The following DNAJC3 variants were observed in gnomAD, a reference collection of about 807,000 sequenced individuals.
DNAJC3 encodes dnaJ homolog subfamily C member 3.
A neutral mutation model predicts 68.6 loss-of-function variants in DNAJC3; 38 were observed. That is an observed-to-expected ratio of 0.55 (90% CI 0.43 to 0.73). The LOEUF (loss-of-function observed/expected upper bound fraction) is 0.73, where lower values mean the gene tolerates loss of function less well. DNAJC3 is among the 30% of genes least tolerant of loss of function. DNAJC3 has a pLI of 0.00. For missense variants in DNAJC3, 526 were observed against 591.9 expected (o/e 0.89, Z 1.16); for synonymous variants, 203 against 204.0 (o/e 1.00, Z 0.04).
intron 4 of DNAJC3, chr13:95,744,670 G>A (rs367581291): frequency 6.6e-6 from 1 of 152,146 alleles, no homozygotes; most frequent in Non-Finnish European, 1.5e-5. Flanking sequence ...ACAGGGTCAT[G>A]GAATTGGAAT....
intron 2 of DNAJC3, among the ~76,000 whole-genome samples, chr13:95,722,552 T>G (rs1881354766): frequency 6.6e-6 from 1 of 151,464 alleles, no homozygotes; most frequent in Non-Finnish European, 1.5e-5. Context: ...GTAGGAGGAT[T>G]GCTGGAGCCC....
intron 9 of DNAJC3, among the ~76,000 whole-genome samples, chr13:95,781,651 A>C (rs1883457642): frequency 6.6e-6 from 1 of 152,142 alleles, no homozygotes; most frequent in Non-Finnish European, 1.5e-5. Flanking sequence ...TATAGAAGAA[A>C]AGTAATTTGG....
intron 1 of DNAJC3, among the ~76,000 whole-genome samples, chr13:95,681,391 C>A (rs1021296265): frequency 2.0e-5 from 3 of 152,138 alleles, no homozygotes; most frequent in African/African-American, 7.2e-5. Flanking sequence ...TGCCCTGTCA[C>A]CCAGGCTGGA....
intron 9 of DNAJC3, among the ~76,000 whole-genome samples, chr13:95,765,056 T>G (rs1318707850): frequency 2.5e-4 from 38 of 152,100 alleles, no homozygotes; most frequent in Non-Finnish European, 2.9e-5. Context: ...GTTCCCAGTT[T>G]CCAGGGAATG....
chr13:95,787,928 A>G (rs1309599627), intron 11 of DNAJC3, among the ~76,000 whole-genome samples: 1 of 152,138 alleles, frequency 6.6e-6, no homozygotes, highest in Non-Finnish European at 1.5e-5. Flanking sequence ...TTAAGCTTAT[A>G]CTGCTTTTTT....
chr13:95,728,332 G>A (rs539128082), intron 4 of DNAJC3, among the ~76,000 whole-genome samples: 4 of 152,090 alleles, frequency 2.6e-5, no homozygotes, highest in African/African-American at 9.7e-5. Flanking sequence ...CATCCTTGCC[G>A]GCATTTGGTA....
intron 9 of DNAJC3, among the ~76,000 whole-genome samples, chr13:95,779,416 G>T (rs547128291): frequency 6.6e-6 from 1 of 152,040 alleles, no homozygotes; most frequent in African/African-American, 2.4e-5. Flanking sequence ...GAGCCATCGC[G>T]CCCGGCCTAA....
At chr13:95,790,170 A>C (rs1023827140) in intron 11 of DNAJC3, among the ~76,000 whole-genome samples, 2 of 152,214 alleles carry the variant, frequency 1.3e-5, no homozygotes, top group African/African-American at 4.8e-5. Flanking sequence ...CACCAAAAGC[A>C]ATCTTTGCTC....
At chr13:95,722,645 G>GAATACGCC (rs1490380527) in intron 2 of DNAJC3, among the ~76,000 whole-genome samples, 1 of 151,514 alleles carries the variant, frequency 6.6e-6, no homozygotes. Context: ...AGCCGTGGTG[G>GAATACGCC]AATACGCCTG....
chr13:95,694,866 C>T (rs1659115319), intron 1 of DNAJC3: 1 of 152,624 alleles, frequency 6.6e-6, no homozygotes, highest in African/African-American at 2.4e-5. Flanking sequence ...GCACGTTGGC[C>T]AAGGTTTATA....
intron 9 of DNAJC3, 79 bp from the exon 10 acceptor site, chr13:95,785,860 A>T: frequency 7.3e-7 from 1 of 1,363,212 alleles, no homozygotes. Flanking sequence ...TGACGACTTT[A>T]GCATCAATTT....
At chr13:95,716,018 C>A (rs1197954803) in intron 2 of DNAJC3, among the ~76,000 whole-genome samples, 2 of 151,736 alleles carry the variant, frequency 1.3e-5, no homozygotes, top group African/African-American at 4.8e-5. Context: ...GTTAACCGGG[C>A]GTGGTGGCAG....
intron 1 of DNAJC3, chr13:95,695,507 A>T (rs1168736388): frequency 1.3e-5 from 2 of 152,244 alleles, no homozygotes; most frequent in African/African-American, 4.8e-5. Flanking sequence ...TCAAACAACA[A>T]AGCATAATAT....
At chr13:95,787,592 GCCTGCTTTGCCCCATATGTGTTCAC>G (rs1883641306) in intron 11 of DNAJC3, among the ~76,000 whole-genome samples, 1 of 152,144 alleles carries the variant, frequency 6.6e-6, no homozygotes, top group Non-Finnish European at 1.5e-5. Context: ...CTGGCCTAGG[GCCTGCTTTGCCCCATATGTGTTCAC>G]CAGGAATCTT....
chr13:95,709,200 A>G (rs1295503822), intron 1 of DNAJC3, 27 bp from the exon 2 acceptor site: 1 of 1,467,570 alleles, frequency 6.8e-7, no homozygotes, highest in East Asian at 2.5e-5. Context: ...TGGAAAGTTA[A>G]CTGATTGTTT....
At chr13:95,730,634 T>G (rs1881680421) in intron 4 of DNAJC3, among the ~76,000 whole-genome samples, 1 of 152,170 alleles carries the variant, frequency 6.6e-6, no homozygotes, top group Non-Finnish European at 1.5e-5. Flanking sequence ...TACATGGATT[T>G]ATTTCTGGGT....
At chr13:95,734,969 C>CT (rs1241216707) in intron 4 of DNAJC3, among the ~76,000 whole-genome samples, 9 of 123,688 alleles carry the variant, frequency 7.3e-5, no homozygotes, top group African/African-American at 2.7e-4. Flanking sequence ...TCCCTCCCCC[C>CT]TCCCCCCCAC....
intron 1 of DNAJC3, among the ~76,000 whole-genome samples, chr13:95,680,039 G>A (rs1879872181): frequency 6.6e-6 from 1 of 152,100 alleles, no homozygotes; most frequent in Non-Finnish European, 1.5e-5. Context: ...CTTCTCAAAG[G>A]CGTTTGAAAG....
intron 4 of DNAJC3, among the ~76,000 whole-genome samples, chr13:95,731,295 T>C (rs974890666): frequency 6.6e-6 from 1 of 152,228 alleles, no homozygotes; most frequent in African/African-American, 2.4e-5. Flanking sequence ...TTTCTCCCTC[T>C]TGCCTGACTG....
Sources: allele counts gnomAD v4.1 joint callset (sites outside exome capture counted in the v4.1 genomes callset), GRCh38; gene constraint gnomAD v4.1.1; transcripts MANE v1.5; gene names NCBI Gene and HGNC (gene_info 2026-07-23, HGNC 2026-07-21).